The following DGKB variants were observed in gnomAD, a reference collection of about 807,000 sequenced individuals.
DGKB encodes the protein diacylglycerol kinase beta, also known as 90 kDa diacylglycerol kinase.
A neutral mutation model predicts 114.3 loss-of-function variants in DGKB; 67 were observed. That is an observed-to-expected ratio of 0.59 (90% CI 0.48 to 0.72). DGKB has a LOEUF of 0.72. Among genes scored for constraint, DGKB ranks in the 30% least tolerant of loss-of-function variants. DGKB has a pLI of 0.00. For missense variants in DGKB, 907 were observed against 975.2 expected (o/e 0.93, Z 0.93); for synonymous variants, 398 against 323.1 (o/e 1.23, Z -2.49).
chr7:14,644,135 A>G (rs1812435162), intron 13 of DGKB, among the ~76,000 whole-genome samples: 1 of 151,912 alleles, frequency 6.6e-6, no homozygotes, highest in Admixed American at 6.6e-5. Flanking sequence ...AAAAAATCAT[A>G]TGGAGAATAC....
In DGKB at chr7:14,871,939, G is replaced by GT. The variant is rs368218402; in HGVS notation, c.-187-30490dup. Reference sequence around the variant, plus strand: ...GTTTGAAATACAAGTATTCTCTGAAGTTTTTTGCTAAAGCTTCTATGATTT... The same window carrying GT: ...GTTTGAAATACAAGTATTCTCTGAAGTTTTTTTGCTAAAGCTTCTATGATTT... On this transcript the variant is annotated intron_variant, in intron 1 of 25. Coordinates refer to ENST00000402815, the MANE Select transcript of DGKB (RefSeq NM_001350709.2). Among the ~76,000 whole-genome samples the GT allele has an allele frequency of 7.9e-5, 12 of 152,142 alleles. No individual in the cohort carries two copies. In the East Asian group the frequency reaches 2.3e-3, roughly 29 times the overall value.
chr7:14,793,876 G>A (rs752805128), intron 2 of DGKB, among the ~76,000 whole-genome samples: 2 of 152,038 alleles, frequency 1.3e-5, no homozygotes, highest in Non-Finnish European at 2.9e-5. Context: ...CACTGTAAGT[G>A]AGCATTACCC....
intron 23 of DGKB, chr7:14,209,195 T>A (rs948186542): frequency 1.3e-4 from 35 of 264,912 alleles, no homozygotes; most frequent in African/African-American, 9.3e-4. Flanking sequence ...ACGCCAAATT[T>A]AAAAAACCAT....
intron 21 of DGKB, among the ~76,000 whole-genome samples, chr7:14,349,124 CATATAAA>C (rs1247425765): frequency 2.6e-5 from 4 of 151,902 alleles, no homozygotes; most frequent in Middle Eastern, 3.4e-3. Context: ...TGCAATAATT[CATATAAA>C]ATATAATTGA....
At chr7:14,311,154 A>G (rs1241787934) in intron 23 of DGKB, among the ~76,000 whole-genome samples, 4 of 152,146 alleles carry the variant, frequency 2.6e-5, no homozygotes, top group South Asian at 2.1e-4. Flanking sequence ...AAACAAAAAT[A>G]CTGAAATTCA....
intron 20 of DGKB, among the ~76,000 whole-genome samples, chr7:14,527,188 T>C (rs914546982): frequency 6.6e-6 from 1 of 152,100 alleles, no homozygotes; most frequent in Non-Finnish European, 1.5e-5. Context: ...GAAAAGTCAT[T>C]AAAGCAAGTT....
chr7:14,364,357 C>T (rs772176286), intron 21 of DGKB, among the ~76,000 whole-genome samples: 1 of 149,838 alleles, frequency 6.7e-6, no homozygotes, highest in African/African-American at 2.5e-5. Context: ...TTGGGGATTA[C>T]TGGCTTAAAC....
At chr7:14,473,591 T>C (rs1381659944) in intron 21 of DGKB, among the ~76,000 whole-genome samples, 1 of 152,008 alleles carries the variant, frequency 6.6e-6, no homozygotes, top group African/African-American at 2.4e-5. Context: ...CCCAGAATGA[T>C]AGATCCACCG....
chr7:14,363,933 T>C (rs931877692), intron 21 of DGKB, among the ~76,000 whole-genome samples: 8 of 152,048 alleles, frequency 5.3e-5, no homozygotes, highest in African/African-American at 1.7e-4. Context: ...TGTCTTTCAA[T>C]TGAACAATTA....
intron 2 of DGKB, among the ~76,000 whole-genome samples, chr7:14,802,634 G>C (rs1030625841): frequency 6.6e-6 from 1 of 152,054 alleles, no homozygotes; most frequent in African/African-American, 2.4e-5. Context: ...CAAATATACA[G>C]AAAAGTTTAG....
chr7:14,694,226 G>C (rs1417461029), intron 8 of DGKB, 32 bp from the exon 9 acceptor site: 2 of 1,541,798 alleles, frequency 1.3e-6, no homozygotes. Flanking sequence ...AAAATTGGTG[G>C]TCAACCAATA....
At chr7:14,571,913 C>T (rs1798441015) in intron 20 of DGKB, among the ~76,000 whole-genome samples, 1 of 152,032 alleles carries the variant, frequency 6.6e-6, no homozygotes, top group Non-Finnish European at 1.5e-5. Flanking sequence ...AATAGACAAA[C>T]ATAGGAACAA....
At chr7:14,407,632 GT>G (rs1229044835) in intron 21 of DGKB, among the ~76,000 whole-genome samples, 1 of 152,004 alleles carries the variant, frequency 6.6e-6, no homozygotes, top group Non-Finnish European at 1.5e-5. Flanking sequence ...AACAATTCAT[GT>G]TTTATTAAAA....
At chr7:14,920,374 G>A (rs954885678) in intron 1 of DGKB, among the ~76,000 whole-genome samples, 6 of 151,980 alleles carry the variant, frequency 3.9e-5, no homozygotes, top group Non-Finnish European at 7.4e-5. Flanking sequence ...GTATACAGAT[G>A]GCAAATAAAC....
intron 7 of DGKB, 55 bp downstream of exon 7, chr7:14,701,626 T>C: frequency 7.9e-7 from 1 of 1,270,654 alleles, no homozygotes; most frequent in Non-Finnish European, 1.1e-6. Flanking sequence ...ATTCATTGCA[T>C]TCTTCAGAAG....
chr7:14,672,621 G>A (rs1819153129), intron 13 of DGKB, among the ~76,000 whole-genome samples: 2 of 152,154 alleles, frequency 1.3e-5, no homozygotes, highest in South Asian at 4.1e-4. Context: ...TGGGAAGCTA[G>A]ATCTATAAAA....
At chr7:14,796,889 G>C (rs927851247) in intron 2 of DGKB, among the ~76,000 whole-genome samples, 2 of 151,896 alleles carry the variant, frequency 1.3e-5, no homozygotes, top group African/African-American at 4.8e-5. Flanking sequence ...TTATAGTCTT[G>C]ATTTGGCTCC....
chr7:14,456,302 A>G (rs1432908063), intron 21 of DGKB, among the ~76,000 whole-genome samples: 1 of 152,098 alleles, frequency 6.6e-6, no homozygotes, highest in Non-Finnish European at 1.5e-5. Flanking sequence ...CAAGCATTTC[A>G]CATAAGAGCT....
intron 23 of DGKB, among the ~76,000 whole-genome samples, chr7:14,274,195 C>A (rs1015496680): frequency 6.6e-6 from 1 of 152,178 alleles, no homozygotes; most frequent in African/African-American, 2.4e-5. Context: ...AATGTGACAG[C>A]CCCATGATCC....
Sources: gnomAD v4.1 joint callset for allele counts (sites outside exome capture counted in the v4.1 genomes callset) on GRCh38, gnomAD v4.1.1 for gene constraint, MANE v1.5 for transcripts, NCBI Gene and HGNC (gene_info 2026-07-23, HGNC 2026-07-21) for gene names.